The following GPR141 variants were observed in gnomAD, a reference collection of about 807,000 sequenced individuals.
GPR141 encodes probable G protein-coupled receptor 141.
GPR141 carries 6 observed loss-of-function variants against 6.8 expected under a neutral mutation model. The observed-to-expected ratio is 0.88, with a 90% CI of 0.48 to 1.74. The LOEUF (loss-of-function observed/expected upper bound fraction) is 1.74. Among genes scored for constraint, GPR141 ranks in the 40% most tolerant of loss-of-function variants. The probability of loss-of-function intolerance (pLI) is 0.01; values close to 1 mark genes in which losing one functional copy is unlikely to be tolerated. For synonymous variants in GPR141, 140 were observed against 142.3 expected (o/e 0.98, Z 0.11); for missense variants, 372 against 372.9 (o/e 1.00, Z 0.02).
chr7:37,720,308 C>T (rs1266320257), intron 2 of GPR141, among the ~76,000 whole-genome samples: 1 of 140,300 alleles, frequency 7.1e-6, no homozygotes, highest in East Asian at 2.4e-4. Context: ...ACCCTGGTGC[C>T]CATCAATGGC....
chr7:37,728,929 G>T (rs1811772796), intron 2 of GPR141, among the ~76,000 whole-genome samples: 1 of 152,162 alleles, frequency 6.6e-6, no homozygotes, highest in East Asian at 1.9e-4. Context: ...GCCAGGGAAA[G>T]TTTTTAAAAA....
chr7:37,738,554 A>G (rs1211559258), intron 2 of GPR141, among the ~76,000 whole-genome samples: 1 of 152,230 alleles, frequency 6.6e-6, no homozygotes, highest in Non-Finnish European at 1.5e-5. Flanking sequence ...TGCAGAGCCA[A>G]CAAAAAAATC....
intron 2 of GPR141, among the ~76,000 whole-genome samples, chr7:37,712,414 T>C (rs1182012268): frequency 3.3e-5 from 5 of 152,022 alleles, no homozygotes; most frequent in Non-Finnish European, 7.4e-5. Context: ...ATAAAGAGGA[T>C]GAAAGAAACA....
At chr7:37,710,255 A>G (rs1375631764) in intron 2 of GPR141, among the ~76,000 whole-genome samples, 2 of 151,902 alleles carry the variant, frequency 1.3e-5, no homozygotes, top group African/African-American at 4.8e-5. Context: ...TAAAAATGTT[A>G]TTATGGAAAA....
At chr7:37,687,296 T>G (rs767610168) in intron 2 of GPR141, among the ~76,000 whole-genome samples, 1 of 152,050 alleles carries the variant, frequency 6.6e-6, no homozygotes, top group Non-Finnish European at 1.5e-5. Flanking sequence ...TTAGGGAAAT[T>G]TAAGATTTAA....
At chr7:37,690,432 C>G (rs1314762438) in intron 2 of GPR141, among the ~76,000 whole-genome samples, 1 of 152,072 alleles carries the variant, frequency 6.6e-6, no homozygotes, top group Non-Finnish European at 1.5e-5. Flanking sequence ...TGTCCTTTCC[C>G]CTTTCACAGT....
Position 37,741,467 on chromosome 7 carries a change from T to G in GPR141, c.*156T>G. On this transcript the variant is annotated 3_prime_UTR_variant, in exon 3 of 3. Coordinates refer to ENST00000334425, the MANE Select transcript of GPR141 (RefSeq NM_001381946.1). ...AATGCAAGAGCCCTCATTGTAGTCC[T>G]TATGGGATCCCTCCCATCTCTGAGT... 1 of 591,238 alleles carries G rather than the reference T, an allele frequency of 1.7e-6. No homozygotes were observed. Among genetic ancestry groups the G allele is most frequent in the Non-Finnish European group, 2.9e-6 (1 of 341,466 alleles). 36.6% of individuals were successfully genotyped at this position (591,238 alleles called of 1,614,324 possible). A position where few individuals can be genotyped will look rare whatever the true frequency, so the allele number is the denominator to read the frequency against.
chr7:37,727,007 G>A (rs1235320141), intron 2 of GPR141, among the ~76,000 whole-genome samples: 4 of 152,196 alleles, frequency 2.6e-5, no homozygotes, highest in South Asian at 2.1e-4. Context: ...GTTAAACTGC[G>A]AGGACTTTGC....
At chr7:37,726,782 ATTTAATC>A (rs1350983784) in intron 2 of GPR141, among the ~76,000 whole-genome samples, 8 of 152,208 alleles carry the variant, frequency 5.3e-5, no homozygotes, top group Non-Finnish European at 1.2e-4. Flanking sequence ...CAATTCTATT[ATTTAATC>A]TGCAGACTGT....
intron 2 of GPR141, among the ~76,000 whole-genome samples, chr7:37,701,573 G>C (rs1810279065): frequency 1.3e-5 from 2 of 152,070 alleles, no homozygotes; most frequent in Non-Finnish European, 2.9e-5. Flanking sequence ...TATTGCATGG[G>C]GTATTTATAC....
At chr7:37,712,181 G>C (rs1343453669) in intron 2 of GPR141, among the ~76,000 whole-genome samples, 1 of 152,202 alleles carries the variant, frequency 6.6e-6, no homozygotes, top group East Asian at 1.9e-4. Context: ...CCAAGGGGGA[G>C]AGTGGGTGGG....
At chr7:37,729,467 A>G (rs780589905) in intron 2 of GPR141, among the ~76,000 whole-genome samples, 2 of 152,238 alleles carry the variant, frequency 1.3e-5, no homozygotes, top group Admixed American at 1.3e-4. Context: ...TAATCCAGTC[A>G]GGGCACTTTT....
At chr7:37,700,518 C>T (rs1329379814) in intron 2 of GPR141, among the ~76,000 whole-genome samples, 2 of 152,124 alleles carry the variant, frequency 1.3e-5, no homozygotes, top group African/African-American at 4.8e-5. Context: ...CTGTGAACCT[C>T]CTCTACCACA....
At chr7:37,714,793 G>A (rs1005259656) in intron 2 of GPR141, among the ~76,000 whole-genome samples, 1 of 152,120 alleles carries the variant, frequency 6.6e-6, no homozygotes, top group Admixed American at 6.5e-5. Flanking sequence ...TTACGCCATG[G>A]CAGTTACTTT....
chr7:37,720,608 G>A (rs1811271179), intron 2 of GPR141, among the ~76,000 whole-genome samples: 1 of 152,026 alleles, frequency 6.6e-6, no homozygotes, highest in Non-Finnish European at 1.5e-5. Flanking sequence ...AGGGGTGGTG[G>A]TGGGCACCTG....
At chr7:37,734,809 A>G (rs550597798) in intron 2 of GPR141, among the ~76,000 whole-genome samples, 43 of 152,294 alleles carry the variant, frequency 2.8e-4, no homozygotes, top group Non-Finnish European at 5.3e-4. Context: ...GGGAGGGGAG[A>G]GAAGAGGTGT....
intron 2 of GPR141, among the ~76,000 whole-genome samples, chr7:37,733,125 T>C (rs1459122027): frequency 1.3e-5 from 2 of 152,042 alleles, no homozygotes; most frequent in Non-Finnish European, 2.9e-5. Context: ...ATAGAGTACA[T>C]GAATAGGTCT....
At chr7:37,719,921 G>A (rs1048069641) in intron 2 of GPR141, among the ~76,000 whole-genome samples, 16 of 152,164 alleles carry the variant, frequency 1.1e-4, no homozygotes, top group Non-Finnish European at 1.9e-4. Context: ...CAAGGATGGG[G>A]GAGCCAGGGC....
At chr7:37,738,681 A>G (rs11765811) in intron 2 of GPR141, among the ~76,000 whole-genome samples, 11,117 of 152,004 alleles carry the variant, frequency 0.073, 666 homozygotes, top group African/African-American at 0.16. Flanking sequence ...ATTGAGGTAT[A>G]AGTTATATGC....
Sources: allele counts gnomAD v4.1 joint callset (sites outside exome capture counted in the v4.1 genomes callset), GRCh38; gene constraint gnomAD v4.1.1; transcripts MANE v1.5; gene names NCBI Gene and HGNC (gene_info 2026-07-23, HGNC 2026-07-21).